Variants in ZNF260 observed in about 807,000 individuals in gnomAD.
ZNF260 encodes zinc finger protein 260.
In ZNF260, 21 loss-of-function variants were observed where a neutral mutation model predicts 29.3. That is an observed-to-expected ratio of 0.72 (90% CI 0.51 to 1.03). The LOEUF is 1.03. Among genes scored for constraint, ZNF260 ranks in the 50% least tolerant of loss-of-function variants. The probability of loss-of-function intolerance (pLI) is 0.00; values close to 1 mark genes in which losing one functional copy is unlikely to be tolerated. For synonymous variants in ZNF260, 156 were observed against 156.8 expected (o/e 0.99, Z 0.04); for missense variants, 465 against 487.8 (o/e 0.95, Z 0.44).
At chr19:36,527,055 T>C (rs2034747698) in intron 1 of ZNF260, among the ~76,000 whole-genome samples, 2 of 152,188 alleles carry the variant, frequency 1.3e-5, no homozygotes, top group South Asian at 4.1e-4. Context: ...GAGCTTGAAG[T>C]TCCCTGTAAC....
chr19:36,524,661 G>A (rs540446660), intron 2 of ZNF260, among the ~76,000 whole-genome samples: 100 of 151,804 alleles, frequency 6.6e-4, no homozygotes, highest in African/African-American at 2.3e-3. Context: ...AGGACCCTGC[G>A]GCCTTCCGCA....
chr19:36,516,569 A>C (rs2034553558), intron 2 of ZNF260, among the ~76,000 whole-genome samples: 1 of 152,142 alleles, frequency 6.6e-6, no homozygotes, highest in South Asian at 2.1e-4. Context: ...GTGACAGTGC[A>C]AGACTCGGTC....
At chr19:36,518,424 T>G (rs900099138) in intron 2 of ZNF260, among the ~76,000 whole-genome samples, 1 of 152,180 alleles carries the variant, frequency 6.6e-6, no homozygotes, top group Non-Finnish European at 1.5e-5. Context: ...CTATTATCAC[T>G]GCAATGAAAT....
rs780340239 is a variant in ZNF260, at chr19:36,515,063, T to A, written c.176A>T (p.Glu59Val). 3 of 1,614,026 alleles carry A rather than the reference T, an allele frequency of 1.9e-6. No individual in the cohort carries two copies. The highest frequency in any genetic ancestry group is 2.5e-6 in the Non-Finnish European group (3 of 1,180,016). ...GACTCGAGAGCACACTTTACCACAT[T>A]CAGTGCATTCATGAGATTTCTCTCC... is the stretch of plus-strand genomic sequence containing the variant. ...HTGEKSHECT[E>V]CGKVCSRVSS... Residue 59 changes from glutamate to valine, a missense_variant, in exon 3 of 3, where the codon GAA becomes GTA. Physicochemically the swap from Glu to Val is moderately radical, Grantham distance 121 (BLOSUM62 -2). Coordinates refer to ENST00000523638, the MANE Select transcript of ZNF260 (RefSeq NM_001166037.2).
chr19:36,515,091 T>A lies in ZNF260; in HGVS notation c.148A>T (p.Thr50Ser). Reference protein sequence around the residue: ...QNLVEHKKMHTGEKSHECTEC... With the variant: ...QNLVEHKKMHSGEKSHECTEC... ...GTGCATTCATGAGATTTCTCTCCAGTATGCATTTTCTTATGCTCTACAAGG... is the reference window on the plus strand; with the variant it reads ...GTGCATTCATGAGATTTCTCTCCAGAATGCATTTTCTTATGCTCTACAAGG... Residue 50 changes from threonine to serine, a missense_variant, in exon 3 of 3, where the codon ACT becomes TCT. Thr to Ser is a moderately conservative substitution (Grantham distance 58). Transcript: ENST00000523638. The A allele has an allele frequency of 6.2e-7, 1 of 1,614,144 alleles. No homozygotes were observed. The highest frequency in any genetic ancestry group is 8.5e-7 in the Non-Finnish European group (1 of 1,180,016).
chr19:36,521,372 T>C (rs543292947), intron 2 of ZNF260, among the ~76,000 whole-genome samples: 1 of 152,338 alleles, frequency 6.6e-6, no homozygotes, highest in East Asian at 1.9e-4. Context: ...TTTTTAACAC[T>C]GTAAATGACA....
chr19:36,514,884 G>C lies in ZNF260; in HGVS notation c.355C>G (p.Gln119Glu), dbSNP rs545319461. The C allele has an allele frequency of 3.7e-6, 6 of 1,613,900 alleles. No homozygotes were observed. The East Asian group carries it at 8.9e-5, about 24-fold the overall frequency. The stretch of plus-strand genomic sequence containing the variant: ...TGGTGTCTGATGATGGTTGGCATCT[G>C]AATAGAAACTTTTTCACATTCATAA... ...KPYECEKVSI[Q>E]MPTIIRHQKN... The change falls in exon 3 of 3, where the codon CAG (glutamine) becomes GAG (glutamate). Residue 119 changes from glutamine to glutamate, a missense_variant. By Grantham distance (29) the Gln-to-Glu change is conservative. Coordinates refer to ENST00000523638, the MANE Select transcript of ZNF260 (RefSeq NM_001166037.2).
Position 36,515,691 on chromosome 19 carries a change from A to G in ZNF260, c.-453T>C, listed in dbSNP as rs1315259578. 5 of 160,308 alleles carry G rather than the reference A, an allele frequency of 3.1e-5. No individual in the cohort carries two copies. The highest frequency in any genetic ancestry group is 1.3e-4 in the Admixed American group (2 of 15,324). 9.9% of individuals were successfully genotyped at this position (160,308 alleles called of 1,614,324 possible). A position where few individuals can be genotyped will look rare whatever the true frequency, so the allele number is the denominator to read the frequency against. On this transcript the variant is annotated 5_prime_UTR_variant, in exon 3 of 3. Coordinates refer to ENST00000523638, the MANE Select transcript of ZNF260 (RefSeq NM_001166037.2). ...GTCTTTATCTGTTTATAAACTTCCCAGGCTTCTTCTAAAAGGAAGTACAAA... is the reference window on the plus strand; with the variant it reads ...GTCTTTATCTGTTTATAAACTTCCCGGGCTTCTTCTAAAAGGAAGTACAAA...
At chr19:36,526,583 C>T (rs988968407) in intron 1 of ZNF260, among the ~76,000 whole-genome samples, 33 of 151,956 alleles carry the variant, frequency 2.2e-4, no homozygotes, top group African/African-American at 8.0e-4. Context: ...TTACATATAA[C>T]CTATGCACAT....
intron 2 of ZNF260, among the ~76,000 whole-genome samples, chr19:36,524,813 A>G (rs1170875214): frequency 6.6e-6 from 1 of 152,118 alleles, no homozygotes; most frequent in South Asian, 2.1e-4. Flanking sequence ...TGAAAAATGG[A>G]GAATGTTAGT....
In ZNF260 at chr19:36,512,060, A is replaced by C. The variant is rs2034460753; in HGVS notation, c.*1940T>G. On this transcript the variant is annotated 3_prime_UTR_variant, in exon 3 of 3. Transcript: ENST00000523638. ...ATGTCTGTGCATATATTATTTAATA[A>C]TATGATCCTTAAATGTATGTGATCC... The C allele has an allele frequency of 6.6e-6, 1 of 152,162 alleles. No individual in the cohort carries two copies. The highest frequency in any genetic ancestry group is 2.1e-4 in the South Asian group (1 of 4,828). 9.4% of individuals were successfully genotyped at this position (152,162 alleles called of 1,614,324 possible).
At chr19:36,519,022 CCTTGT>C (rs751366565) in intron 2 of ZNF260, among the ~76,000 whole-genome samples, 14 of 151,430 alleles carry the variant, frequency 9.2e-5, no homozygotes, top group Non-Finnish European at 1.8e-4. Flanking sequence ...AAGAGTGAGA[CCTTGT>C]CTTAACAAAA....
At chr19:36,524,155 T>A (rs2034689289) in intron 2 of ZNF260, among the ~76,000 whole-genome samples, 1 of 152,144 alleles carries the variant, frequency 6.6e-6, no homozygotes, top group Non-Finnish European at 1.5e-5. Flanking sequence ...TAGTTATACA[T>A]AGAATGATTA....
Position 36,524,517 on chromosome 19 carries a change from G to GT in ZNF260, c.-462+637dup, listed in dbSNP as rs61184857. Among the ~76,000 whole-genome samples, 150 of 90,968 alleles carry GT rather than the reference G, an allele frequency of 1.6e-3. 8 individuals carry two copies. The highest frequency in any genetic ancestry group is 6.0e-3 in the Middle Eastern group (1 of 168). The allele number at this position is 90,968 out of a possible 152,430, so 59.7% of individuals were successfully genotyped here. On this transcript the variant is annotated intron_variant, in intron 2 of 2. Transcript: ENST00000523638. ...TTTAAAGAAAATAACTTACATGCTA[G>GT]TTTTTTTTTTTTTTTTTATTGATCA...
chr19:36,526,278 C>T (rs538948932), intron 1 of ZNF260, among the ~76,000 whole-genome samples: 40 of 152,240 alleles, frequency 2.6e-4, no homozygotes, highest in Middle Eastern at 3.4e-3. Flanking sequence ...TGGTGGCTCA[C>T]GCCTGTAATC....
rs779772633 is a variant in ZNF260, at chr19:36,514,411, G to C, written c.828C>G (p.Tyr276Ter). The change falls in exon 3 of 3, where the codon TAC (tyrosine) becomes TAG (stop). Residue 276 changes from tyrosine to a stop codon, truncating the protein, a stop_gained. Coordinates refer to ENST00000523638, the MANE Select transcript of ZNF260 (RefSeq NM_001166037.2). LOFTEE classifies it high-confidence loss of function. The part of the protein sequence containing the change: ...HEKIHIGEKP[Y>*]KCNECGTIFR... ...AGATTGTTCCACATTCATTACATTT[G>C]TAGGGTTTCTCTCCAATATGAATTT... 1 of 1,613,126 alleles carries C rather than the reference G, an allele frequency of 6.2e-7. No homozygotes were observed.
rs2034536947 is a variant in ZNF260, at chr19:36,515,660, T to G, written c.-422A>C. ...TGAGACTTAACTTACAAGTCTTTCA[T>G]GTTGCGTCTTTATCTGTTTATAAAC... On this transcript the variant is annotated 5_prime_UTR_variant, in exon 3 of 3. It removes an upstream start codon present in the reference 5' UTR. Coordinates refer to ENST00000523638, the MANE Select transcript of ZNF260 (RefSeq NM_001166037.2). 6.0e-6 allele frequency: 1 copy of G among 165,994 alleles called. No individual in the cohort carries two copies. The allele number at this position is 165,994 out of a possible 1,614,324, so 10.3% of individuals were successfully genotyped here. A position where few individuals can be genotyped will look rare whatever the true frequency, so the allele number is the denominator to read the frequency against.
intron 2 of ZNF260, among the ~76,000 whole-genome samples, chr19:36,520,084 A>G (rs538609446): frequency 6.6e-6 from 1 of 151,920 alleles, no homozygotes; most frequent in African/African-American, 2.4e-5. Context: ...CTGTAATCCC[A>G]GCTACTCGGG....
chr19:36,513,886 G>T lies in ZNF260; in HGVS notation c.*114C>A. ...CATAGTATTTAAGTTTTGAATTGCT[G>T]CTGAAGGACTTCCCACATTCATGTC... On this transcript the variant is annotated 3_prime_UTR_variant, in exon 3 of 3. Transcript: ENST00000523638. 3 of 1,198,406 alleles carry T rather than the reference G, an allele frequency of 2.5e-6. No individual in the cohort carries two copies. Among genetic ancestry groups the T allele is most frequent in the Non-Finnish European group, 2.3e-6 (2 of 856,358 alleles). 74.2% of individuals were successfully genotyped at this position (1,198,406 alleles called of 1,614,324 possible).
Sources: gnomAD v4.1 joint callset for allele counts (sites outside exome capture counted in the v4.1 genomes callset) on GRCh38, gnomAD v4.1.1 for gene constraint, MANE v1.5 for transcripts, NCBI Gene and HGNC (gene_info 2026-07-23, HGNC 2026-07-21) for gene names.